Variants in PDE2A observed in about 807,000 individuals in gnomAD.
PDE2A encodes the protein cGMP-dependent 3',5'-cyclic phosphodiesterase.
In PDE2A, 53 loss-of-function variants were observed where a neutral mutation model predicts 133.6. That is an observed-to-expected ratio of 0.40 (90% CI 0.32 to 0.50). PDE2A has a LOEUF of 0.50. Among genes scored for constraint, PDE2A ranks in the 20% least tolerant of loss-of-function variants. PDE2A has a pLI of 0.73. For synonymous variants in PDE2A, 491 were observed against 490.2 expected (o/e 1.00, Z -0.02); for missense variants, 796 against 1,232.4 (o/e 0.65, Z 5.30).
chr11:72,636,448 C>A (rs959229619), intron 2 of PDE2A, among the ~76,000 whole-genome samples: 7 of 152,182 alleles, frequency 4.6e-5, no homozygotes. Flanking sequence ...TCTCAAGTTC[C>A]CATGTTACAG....
At chr11:72,631,979 C>T (rs958664125) in intron 2 of PDE2A, among the ~76,000 whole-genome samples, 1 of 152,148 alleles carries the variant, frequency 6.6e-6, no homozygotes, top group African/African-American at 2.4e-5. Context: ...GCCAGCCTGG[C>T]GCGGGTGCAG....
At chr11:72,615,027 C>A (rs1857395715) in intron 2 of PDE2A, 1 of 458,762 alleles carries the variant, frequency 2.2e-6, no homozygotes, top group Non-Finnish European at 4.8e-6. Flanking sequence ...ATCCCTCCAC[C>A]CTCCTGCCCA....
chr11:72,623,717 C>T (rs1857901106), intron 2 of PDE2A, among the ~76,000 whole-genome samples: 1 of 152,148 alleles, frequency 6.6e-6, no homozygotes, highest in South Asian at 2.1e-4. Context: ...CAAGCCAGAA[C>T]CCTGGAAATT....
chr11:72,656,943 C>G (rs1355564468), intron 1 of PDE2A, among the ~76,000 whole-genome samples: 1 of 152,214 alleles, frequency 6.6e-6, no homozygotes, highest in Non-Finnish European at 1.5e-5. Flanking sequence ...AAACTCCTCA[C>G]TGCATCCACT....
At chr11:72,579,771 T>A (rs1855636659) in intron 25 of PDE2A, 163 bp from the exon 26 acceptor site, 3 of 605,122 alleles carry the variant, frequency 5.0e-6, no homozygotes, top group Non-Finnish European at 8.8e-6. Context: ...GAGCTCTGTT[T>A]CAACCCTCTG....
chr11:72,640,004 C>T (rs1159521397), intron 2 of PDE2A, among the ~76,000 whole-genome samples: 1 of 152,074 alleles, frequency 6.6e-6, no homozygotes, highest in African/African-American at 2.4e-5. Flanking sequence ...GCACATTCTA[C>T]AGTCCTCAAC....
intron 1 of PDE2A, among the ~76,000 whole-genome samples, chr11:72,667,884 AG>A (rs398016622): frequency 6.7e-6 from 1 of 148,584 alleles, no homozygotes; most frequent in African/African-American, 2.5e-5. Context: ...AAAAAAAAAA[AG>A]GGTGAGGGAA....
In PDE2A at chr11:72,578,583, G is replaced by A. The variant is rs115243977; in HGVS notation, c.2470-69C>T. On this transcript the variant is annotated intron_variant, in intron 28 of 30. Transcript: ENST00000334456. This position sits in a 1 kb window ranked among gnomAD's most constrained non-coding sequence, Gnocchi z 4.2. Reference sequence around the variant, plus strand: ...TCCACCCAAGCTCCTCTGACAGCCCGTTCCCAGGAGAGAAAACTGAGGCCC... The same window carrying A: ...TCCACCCAAGCTCCTCTGACAGCCCATTCCCAGGAGAGAAAACTGAGGCCC... The A allele has an allele frequency of 1.1e-3, 1,468 of 1,324,782 alleles. 7 individuals carry two copies. The African/African-American group carries it at 0.016, about 15-fold the overall frequency. The allele number at this position is 1,324,782 out of a possible 1,614,324, so 82.1% of individuals were successfully genotyped here.
chr11:72,615,871 T>G (rs368386750), intron 2 of PDE2A, among the ~76,000 whole-genome samples: 8 of 152,162 alleles, frequency 5.3e-5, no homozygotes, highest in African/African-American at 1.9e-4. Flanking sequence ...CTGAGCAGGA[T>G]GGATGAGGGG....
intron 3 of PDE2A, among the ~76,000 whole-genome samples, chr11:72,607,796 G>A (rs998179195): frequency 6.6e-6 from 1 of 152,150 alleles, no homozygotes; most frequent in African/African-American, 2.4e-5. Flanking sequence ...CGGGTTTAGA[G>A]TAGGGAAGAG....
chr11:72,590,106 G>A lies in PDE2A; in HGVS notation c.756+86C>T. The A allele has an allele frequency of 7.1e-7, 1 of 1,399,696 alleles. No homozygotes were observed. Among genetic ancestry groups the A allele is most frequent in the Non-Finnish European group, 9.8e-7 (1 of 1,015,494 alleles). The allele number at this position is 1,399,696 out of a possible 1,614,324, so 86.7% of individuals were successfully genotyped here. A position where few individuals can be genotyped will look rare whatever the true frequency, so the allele number is the denominator to read the frequency against. Reference sequence around the variant, plus strand: ...GAGAGGAAGGAAGGACATCGTAATTGGAACTGAGATGGAGGGCTCAAGGGG... The same window carrying A: ...GAGAGGAAGGAAGGACATCGTAATTAGAACTGAGATGGAGGGCTCAAGGGG... On this transcript the variant is annotated intron_variant, in intron 9 of 30. Coordinates refer to ENST00000334456, the MANE Select transcript of PDE2A (RefSeq NM_002599.5). The surrounding 1 kb of genome is among the most constrained non-coding windows in gnomAD (Gnocchi z 4.8).
At chr11:72,619,258 G>T (rs570329301) in intron 2 of PDE2A, among the ~76,000 whole-genome samples, 210 of 152,250 alleles carry the variant, frequency 1.4e-3, no homozygotes, top group Non-Finnish European at 2.3e-3. Context: ...TTTTTGTGTG[G>T]TTTTTCTGAT....
intron 3 of PDE2A, among the ~76,000 whole-genome samples, chr11:72,607,589 G>A (rs10898858): frequency 0.15 from 22,818 of 152,150 alleles, 2,484 homozygotes; most frequent in East Asian, 0.46. Context: ...GCAGAGCTGA[G>A]GAGAGGGAAT....
intron 1 of PDE2A, among the ~76,000 whole-genome samples, chr11:72,663,645 C>T (rs921036436): frequency 1.3e-5 from 2 of 150,816 alleles, no homozygotes; most frequent in Non-Finnish European, 1.5e-5. Context: ...AGGACAATCA[C>T]TTGAACCCAG....
At chr11:72,604,104 G>A (rs1000762472) in intron 4 of PDE2A, among the ~76,000 whole-genome samples, 9 of 152,192 alleles carry the variant, frequency 5.9e-5, no homozygotes, top group African/African-American at 2.2e-4. Flanking sequence ...CCCCACTGGT[G>A]CCCACTCTGC....
At chr11:72,582,103 A>G in intron 21 of PDE2A, 156 bp from the exon 22 acceptor site, 1 of 650,128 alleles carries the variant, frequency 1.5e-6, no homozygotes, top group Non-Finnish European at 2.7e-6. Flanking sequence ...CCGTTCTCGG[A>G]GCTATGCATT....
rs181848188 is a variant in PDE2A at position 72,605,883 on chromosome 11, G to A, written c.235-657C>T. The stretch of plus-strand genomic sequence containing the variant: ...CAGGTACACAGGTAGGTCCAGAGGC[G>A]TATAAAGCATGGAGCATTTAGGAAC... On this transcript the variant is annotated intron_variant, in intron 3 of 30. Coordinates refer to ENST00000334456, the MANE Select transcript of PDE2A (RefSeq NM_002599.5). 9.1e-4 allele frequency among the ~76,000 whole-genome samples: 138 copies of A among 152,274 alleles called. 1 individual carries two copies. The highest frequency in any genetic ancestry group is 6.0e-4 in the Non-Finnish European group (41 of 68,016).
At chr11:72,611,540 T>C (rs918263530) in intron 2 of PDE2A, among the ~76,000 whole-genome samples, 6 of 152,222 alleles carry the variant, frequency 3.9e-5, no homozygotes. Flanking sequence ...TTCAGTTTTC[T>C]GTGACTTTTC....
chr11:72,602,541 G>A lies in PDE2A; in HGVS notation c.323+2597C>T, dbSNP rs1052560557. 9.2e-5 allele frequency among the ~76,000 whole-genome samples: 14 copies of A among 152,278 alleles called. 1 individual carries two copies. The highest frequency in any genetic ancestry group is 3.1e-4 in the African/African-American group (13 of 41,546). Reference sequence around the variant, plus strand: ...AGGTCAGTCCCTCTCCCTCCTGGGGGGACCAGAGCCACAAAGGTCACCATC... The same window carrying A: ...AGGTCAGTCCCTCTCCCTCCTGGGGAGACCAGAGCCACAAAGGTCACCATC... On this transcript the variant is annotated intron_variant, in intron 4 of 30. Coordinates refer to ENST00000334456, the MANE Select transcript of PDE2A (RefSeq NM_002599.5).
Sources: gnomAD v4.1 joint callset for allele counts (sites outside exome capture counted in the v4.1 genomes callset) on GRCh38, gnomAD v4.1.1 for gene constraint, Gnocchi (gnomAD v3.1) non-coding constraint, MANE v1.5 for transcripts, NCBI Gene and HGNC (gene_info 2026-07-23, HGNC 2026-07-21) for gene names.